SH3GL2: variants seen among roughly 807,000 people sequenced by gnomAD.
The protein encoded by SH3GL2 is endophilin-A1.
Under a neutral mutation model 46.0 loss-of-function variants are expected in SH3GL2, and 24 were observed. That is an observed-to-expected ratio of 0.52 (90% confidence interval 0.38 to 0.73). The LOEUF is 0.73. Among genes scored for constraint, SH3GL2 ranks in the 30% least tolerant of loss-of-function variants. The probability of loss-of-function intolerance (pLI) is 0.00; values close to 1 mark genes in which losing one functional copy is unlikely to be tolerated. For synonymous variants in SH3GL2, 196 were observed against 147.1 expected (o/e 1.33, Z -2.40); for missense variants, 413 against 424.2 (o/e 0.97, Z 0.23).
intron 1 of SH3GL2, among the ~76,000 whole-genome samples, chr9:17,599,136 C>T (rs1180647533): frequency 6.6e-6 from 1 of 152,050 alleles, no homozygotes; most frequent in African/African-American, 2.4e-5. Flanking sequence ...TTTGTCACAT[C>T]TTAAAATAAA....
chr9:17,699,794 C>T (rs1333412168), intron 1 of SH3GL2, among the ~76,000 whole-genome samples: 2 of 152,236 alleles, frequency 1.3e-5, no homozygotes, highest in Admixed American at 6.5e-5. Flanking sequence ...ATCATTTATT[C>T]AGCCAGTCAT....
chr9:17,652,332 A>G (rs531698738), intron 1 of SH3GL2, among the ~76,000 whole-genome samples: 73 of 151,830 alleles, frequency 4.8e-4, no homozygotes, highest in African/African-American at 1.6e-3. Context: ...TTATTTTTAC[A>G]TATATGTGTT....
chr9:17,623,039 T>TCCTTCCCTTCC (rs1819188785), intron 1 of SH3GL2, among the ~76,000 whole-genome samples: 11 of 84,224 alleles, frequency 1.3e-4, no homozygotes, highest in Admixed American at 4.5e-4. Flanking sequence ...TCCTTTCCTT[T>TCCTTCCCTTCC]CCTTCCCCTT....
chr9:17,609,637 G>C (rs1818824121), intron 1 of SH3GL2, among the ~76,000 whole-genome samples: 1 of 152,214 alleles, frequency 6.6e-6, no homozygotes, highest in South Asian at 2.1e-4. Flanking sequence ...CATCACATCA[G>C]GTTTGTGAAT....
Position 17,654,655 on chromosome 9 carries a change from T to C in SH3GL2, c.45+75368T>C, listed in dbSNP as rs1355227624. The stretch of plus-strand genomic sequence containing the variant: ...TTAGAAAATCAATGCTTATAAAAAA[T>C]TATGAAAATAAATTTGTAGATAAAA... On this transcript the variant is annotated intron_variant, in intron 1 of 8. Coordinates refer to ENST00000380607, the MANE Select transcript of SH3GL2 (RefSeq NM_003026.5). Among the ~76,000 whole-genome samples the C allele has an allele frequency of 2.0e-5, 3 of 152,140 alleles. No homozygotes were observed. In the East Asian group the frequency reaches 5.8e-4, roughly 29 times the overall value.
intron 2 of SH3GL2, among the ~76,000 whole-genome samples, chr9:17,756,306 A>G (rs77236711): frequency 0.018 from 2,793 of 151,836 alleles, 86 homozygotes; most frequent in African/African-American, 0.065. Context: ...TTACAGTTTC[A>G]CTTTCTTTTT....
intron 1 of SH3GL2, among the ~76,000 whole-genome samples, chr9:17,641,758 A>G (rs1011521624): frequency 1.3e-5 from 2 of 152,198 alleles, no homozygotes; most frequent in African/African-American, 4.8e-5. Flanking sequence ...TGTCCCTGCA[A>G]AGGATATGAA....
chr9:17,641,786 C>T (rs184583647), intron 1 of SH3GL2, among the ~76,000 whole-genome samples: 18 of 151,520 alleles, frequency 1.2e-4, no homozygotes, highest in Admixed American at 3.3e-4. Context: ...TTTTTTGTGG[C>T]TGCATAGTAT....
At chr9:17,761,660 T>G (rs193147255) in intron 3 of SH3GL2, 151 bp downstream of exon 3, 7 of 732,248 alleles carry the variant, frequency 9.6e-6, no homozygotes, top group Admixed American at 1.9e-5. Context: ...GATAGCACAT[T>G]TTAACTGGGG....
intron 1 of SH3GL2, among the ~76,000 whole-genome samples, chr9:17,696,595 G>A (rs1216781205): frequency 6.6e-6 from 1 of 152,074 alleles, no homozygotes; most frequent in African/African-American, 2.4e-5. Context: ...GAGAAGTGCC[G>A]AGCAAAGGGG....
At chr9:17,606,471 G>A (rs1818763914) in intron 1 of SH3GL2, among the ~76,000 whole-genome samples, 1 of 152,122 alleles carries the variant, frequency 6.6e-6, no homozygotes, top group African/African-American at 2.4e-5. Context: ...GGAATCATTA[G>A]CCTATCCAAA....
chr9:17,756,921 A>G (rs1207345578), intron 2 of SH3GL2, among the ~76,000 whole-genome samples: 1 of 152,176 alleles, frequency 6.6e-6, no homozygotes, highest in Non-Finnish European at 1.5e-5. Context: ...ACAATGGTTG[A>G]ACCAGTTTAC....
In SH3GL2 at chr9:17,795,884, A is replaced by T. The variant is rs1824261371; in HGVS notation, c.*141A>T. ...CAGCCCCACCAAGTGACTTTGGTTG[A>T]CTTGTGGGCTCCCACAGGAGTCATG... On this transcript the variant is annotated 3_prime_UTR_variant, in exon 9 of 9. Transcript: ENST00000380607. The T allele has an allele frequency of 1.5e-6, 1 of 658,944 alleles. No homozygotes were observed. Among genetic ancestry groups the T allele is most frequent in the African/African-American group, 1.8e-5 (1 of 55,030 alleles). 40.8% of individuals were successfully genotyped at this position (658,944 alleles called of 1,614,324 possible). A position where few individuals can be genotyped will look rare whatever the true frequency, so the allele number is the denominator to read the frequency against.
chr9:17,628,855 A>G (rs760420088), intron 1 of SH3GL2, among the ~76,000 whole-genome samples: 2 of 152,176 alleles, frequency 1.3e-5, no homozygotes, highest in African/African-American at 2.4e-5. Flanking sequence ...ATTGGATCCA[A>G]TTCCATCAGA....
At chr9:17,761,690 C>T in intron 3 of SH3GL2, 181 bp downstream of exon 3, 1 of 659,378 alleles carries the variant, frequency 1.5e-6, no homozygotes, top group South Asian at 1.7e-5. Flanking sequence ...TTTTAAAGCT[C>T]ACATTGAAGT....
At chr9:17,640,872 A>C (rs1819663905) in intron 1 of SH3GL2, among the ~76,000 whole-genome samples, 1 of 152,212 alleles carries the variant, frequency 6.6e-6, no homozygotes, top group Admixed American at 6.5e-5. Flanking sequence ...AACATGCCTA[A>C]TGTAGCATAA....
chr9:17,650,295 C>T (rs1002729752), intron 1 of SH3GL2, among the ~76,000 whole-genome samples: 4 of 152,146 alleles, frequency 2.6e-5, no homozygotes, highest in Non-Finnish European at 5.9e-5. Context: ...CGTGATATAT[C>T]CTCTTTCTCA....
At chr9:17,599,676 G>C (rs1305653276) in intron 1 of SH3GL2, among the ~76,000 whole-genome samples, 1 of 152,140 alleles carries the variant, frequency 6.6e-6, no homozygotes, top group Admixed American at 6.6e-5. Context: ...ACGTGCTTAC[G>C]GTTGGGGGAC....
At chr9:17,692,516 C>T (rs1250508063) in intron 1 of SH3GL2, among the ~76,000 whole-genome samples, 1 of 151,794 alleles carries the variant, frequency 6.6e-6, no homozygotes, top group African/African-American at 2.4e-5. Flanking sequence ...TCTGGTGGTG[C>T]ATGCCTGTAG....
Sources: gnomAD v4.1 joint callset for allele counts (sites outside exome capture counted in the v4.1 genomes callset) on GRCh38, gnomAD v4.1.1 for gene constraint, MANE v1.5 for transcripts, NCBI Gene and HGNC (gene_info 2026-07-23, HGNC 2026-07-21) for gene names.